The following WWOX variants were observed in gnomAD, a reference collection of about 807,000 sequenced individuals.
The protein encoded by WWOX is WW domain-containing oxidoreductase.
WWOX carries 69 observed loss-of-function variants against 46.2 expected under a neutral mutation model. That is an observed-to-expected ratio of 1.49 (90% CI 1.23 to 1.82). WWOX has a LOEUF of 1.82. Ranked by LOEUF, WWOX falls within the 40% of genes most tolerant of loss-of-function variation. The probability of loss-of-function intolerance (pLI) is 0.00; values close to 1 mark genes in which losing one functional copy is unlikely to be tolerated. For synonymous variants in WWOX, 359 were observed against 202.6 expected (o/e 1.77, Z -6.56); for missense variants, 919 against 542.6 (o/e 1.69, Z -6.89).
chr16:78,963,932 A>G (rs1474455864), intron 8 of WWOX, among the ~76,000 whole-genome samples: 3 of 152,204 alleles, frequency 2.0e-5, no homozygotes, highest in Non-Finnish European at 4.4e-5. Flanking sequence ...AATAAGTTTC[A>G]TAAGATCCAA....
intron 8 of WWOX, among the ~76,000 whole-genome samples, chr16:78,613,329 G>A (rs1373505988): frequency 1.3e-5 from 2 of 152,066 alleles, no homozygotes; most frequent in Admixed American, 6.6e-5. Context: ...TTGAAGTCCC[G>A]ATGCGTGATT....
At chr16:78,401,932 T>C (rs1049777630) in intron 6 of WWOX, among the ~76,000 whole-genome samples, 2 of 152,218 alleles carry the variant, frequency 1.3e-5, no homozygotes, top group Middle Eastern at 3.4e-3. Context: ...ACTCCTGACC[T>C]CTAGATCCGC....
At chr16:78,819,384 C>G (rs2051431115) in intron 8 of WWOX, among the ~76,000 whole-genome samples, 1 of 152,212 alleles carries the variant, frequency 6.6e-6, no homozygotes, top group African/African-American at 2.4e-5. Context: ...GCCAGTGTGT[C>G]ATGTCAGTTT....
At chr16:79,048,758 C>G (rs1292713847) in intron 8 of WWOX, among the ~76,000 whole-genome samples, 1 of 152,194 alleles carries the variant, frequency 6.6e-6, no homozygotes, top group East Asian at 1.9e-4. Flanking sequence ...CCGGCTGCTG[C>G]CAGTGGAGGC....
chr16:78,853,703 G>A (rs1043076480), intron 8 of WWOX, among the ~76,000 whole-genome samples: 1 of 152,084 alleles, frequency 6.6e-6, no homozygotes, highest in Admixed American at 6.5e-5. Flanking sequence ...ACTCTCCTGC[G>A]TGGTGGGGGT....
At chr16:79,050,238 C>T (rs952212412) in intron 8 of WWOX, among the ~76,000 whole-genome samples, 2 of 152,116 alleles carry the variant, frequency 1.3e-5, no homozygotes, top group African/African-American at 2.4e-5. Context: ...TGGGGCTTCC[C>T]CCTGTGTCTG....
At chr16:78,832,746 C>T (rs2051866373) in intron 8 of WWOX, among the ~76,000 whole-genome samples, 1 of 152,138 alleles carries the variant, frequency 6.6e-6, no homozygotes, top group African/African-American at 2.4e-5. Context: ...CATGGTGGAG[C>T]ATACAGGCCA....
intron 8 of WWOX, among the ~76,000 whole-genome samples, chr16:78,735,779 C>T (rs1035475295): frequency 2.6e-5 from 4 of 151,926 alleles, no homozygotes; most frequent in Non-Finnish European, 5.9e-5. Context: ...AGGCCCCTGC[C>T]CCCTGCCTTG....
chr16:78,392,013 A>C (rs941359295), intron 6 of WWOX, among the ~76,000 whole-genome samples: 2 of 149,472 alleles, frequency 1.3e-5, no homozygotes, highest in Non-Finnish European at 3.0e-5. Context: ...TTTTTTCCTT[A>C]AAAAAATTTC....
intron 8 of WWOX, among the ~76,000 whole-genome samples, chr16:78,901,648 G>C (rs1016709257): frequency 1.3e-5 from 2 of 152,280 alleles, no homozygotes; most frequent in Middle Eastern, 3.4e-3. Flanking sequence ...CCACCACGCT[G>C]GGTTAGTTTT....
At chr16:79,177,826 C>T (rs762211228) in intron 8 of WWOX, among the ~76,000 whole-genome samples, 4 of 152,180 alleles carry the variant, frequency 2.6e-5, no homozygotes, top group African/African-American at 9.7e-5. Context: ...TAAATGTTAC[C>T]ATTTTCCTTA....
In WWOX at chr16:78,281,474, G is replaced by A. The variant is rs1368627233; in HGVS notation, c.517-105386G>A. ...AAATTTAAACTAGCTTAAGAGGAAA[G>A]GGTCATTACTGGCTGACAAAATGCG... On this transcript the variant is annotated intron_variant, in intron 5 of 8. Transcript: ENST00000566780. Among the ~76,000 whole-genome samples, 3 of 152,182 alleles carry A rather than the reference G, an allele frequency of 2.0e-5. No individual in the cohort carries two copies. The East Asian group carries it at 5.8e-4, about 29-fold the overall frequency.
chr16:78,956,936 T>A (rs2151307745), intron 8 of WWOX, among the ~76,000 whole-genome samples: 1 of 152,306 alleles, frequency 6.6e-6, no homozygotes, highest in East Asian at 1.9e-4. Flanking sequence ...TACTGTCACT[T>A]CTGAGTAGTT....
chr16:78,880,900 G>A (rs1025250251), intron 8 of WWOX, among the ~76,000 whole-genome samples: 1 of 151,704 alleles, frequency 6.6e-6, no homozygotes, highest in African/African-American at 2.4e-5. Flanking sequence ...GTCAGACGTA[G>A]GTATAAGACC....
intron 5 of WWOX, among the ~76,000 whole-genome samples, chr16:78,325,985 T>C (rs954628135): frequency 2.0e-5 from 3 of 152,248 alleles, no homozygotes; most frequent in African/African-American, 7.2e-5. Flanking sequence ...CCTTGTGACA[T>C]GATAGGGCTC....
chr16:78,841,315 C>T (rs1459381873), intron 8 of WWOX, among the ~76,000 whole-genome samples: 1 of 152,208 alleles, frequency 6.6e-6, no homozygotes, highest in Non-Finnish European at 1.5e-5. Flanking sequence ...GATCTGTCTA[C>T]ATATGTAGCT....
At chr16:78,782,539 G>T (rs2050356066) in intron 8 of WWOX, among the ~76,000 whole-genome samples, 1 of 152,098 alleles carries the variant, frequency 6.6e-6, no homozygotes, top group Non-Finnish European at 1.5e-5. Context: ...AAGAGTGATG[G>T]ACCAAAAATT....
chr16:78,971,181 C>G (rs2046461390), intron 8 of WWOX, among the ~76,000 whole-genome samples: 1 of 151,962 alleles, frequency 6.6e-6, no homozygotes, highest in African/African-American at 2.4e-5. Context: ...CTTTTTAGGG[C>G]CGGGCACGGT....
intron 8 of WWOX, among the ~76,000 whole-genome samples, chr16:78,680,161 G>A (rs973577688): frequency 3.3e-5 from 5 of 152,230 alleles, no homozygotes; most frequent in Non-Finnish European, 5.9e-5. Context: ...TGTAATCCCA[G>A]CACTGAGGGA....
Sources: allele counts gnomAD v4.1 joint callset (sites outside exome capture counted in the v4.1 genomes callset), GRCh38; gene constraint gnomAD v4.1.1; transcripts MANE v1.5; gene names NCBI Gene and HGNC (gene_info 2026-07-23, HGNC 2026-07-21).